The following SNCB variants were observed in gnomAD, a reference collection of about 807,000 sequenced individuals.
The protein encoded by SNCB is beta-synuclein.
Under a neutral mutation model 20.0 loss-of-function variants are expected in SNCB, and 8 were observed. That is an observed-to-expected ratio of 0.40 (90% confidence interval 0.24 to 0.72). The LOEUF is 0.72. Among genes scored for constraint, SNCB ranks in the 30% least tolerant of loss-of-function variants. The pLI is 0.37. For synonymous variants in SNCB, 56 were observed against 65.4 expected (o/e 0.86, Z 0.69); for missense variants, 125 against 168.0 (o/e 0.74, Z 1.41).
intron 2 of SNCB, among the ~76,000 whole-genome samples, chr5:176,627,132 A>C (rs532334253): frequency 9.1e-4 from 138 of 152,308 alleles, no homozygotes; most frequent in South Asian, 2.3e-3. Flanking sequence ...GGGTTCCACC[A>C]CTAGGAAGTG....
Position 176,626,583 on chromosome 5 carries a change from TAGTATCCC to T in SNCB, c.164-75_164-68del. On this transcript the variant is annotated intron_variant, in intron 3 of 5. Transcript: ENST00000393693. This position sits in a 1 kb window ranked among gnomAD's most constrained non-coding sequence, Gnocchi z 4.2. ...GGGGAAACACCGATGCCCTGCCTTG[TAGTATCCC>T]AGGGCCTGCCCTCCCCACGGAGCAT... 1 of 1,499,902 alleles carries T rather than the reference TAGTATCCC, an allele frequency of 6.7e-7. No individual in the cohort carries two copies. The highest frequency in any genetic ancestry group is 9.3e-7 in the Non-Finnish European group (1 of 1,076,056). 92.9% of individuals were successfully genotyped at this position (1,499,902 alleles called of 1,614,324 possible). A position where few individuals can be genotyped will look rare whatever the true frequency, so the allele number is the denominator to read the frequency against.
At position 176,629,525 on chromosome 5, in the gene SNCB, C is replaced by T. The variant is rs754467589; in HGVS notation, c.121+9G>A. 1.2e-6 allele frequency: 2 copies of T among 1,612,846 alleles called. No homozygotes were observed. Among genetic ancestry groups the T allele is most frequent in the African/African-American group, 2.7e-5 (2 of 74,992 alleles). ...CCCTGCAGCCCCAGAAACCCCGCCCCTTACCCACCGACGTAGAGGACGCCC... is the reference window on the plus strand; with the variant it reads ...CCCTGCAGCCCCAGAAACCCCGCCCTTTACCCACCGACGTAGAGGACGCCC... On this transcript the variant is annotated intron_variant, in intron 2 of 5. Coordinates refer to ENST00000393693, the MANE Select transcript of SNCB (RefSeq NM_003085.5). This position sits in a 1 kb window ranked among gnomAD's most constrained non-coding sequence, Gnocchi z 4.1.
chr5:176,626,711 G>C lies in SNCB; in HGVS notation c.163+9C>G, dbSNP rs1381325581. 6.2e-7 allele frequency: 1 copy of C among 1,613,802 alleles called. No homozygotes were observed. ...GAGAGAAGGGCTGGTGCCAGGGCTG[G>C]GCTAGTACCTGAAGCCACACCTTGT... On this transcript the variant is annotated intron_variant, in intron 3 of 5. Coordinates refer to ENST00000393693, the MANE Select transcript of SNCB (RefSeq NM_003085.5). The surrounding 1 kb of genome is among the most constrained non-coding windows in gnomAD (Gnocchi z 4.2).
Position 176,620,696 on chromosome 5 carries a change from A to T in SNCB, c.*115T>A. On this transcript the variant is annotated 3_prime_UTR_variant, in exon 6 of 6. Transcript: ENST00000393693. This position sits in a 1 kb window ranked among gnomAD's most constrained non-coding sequence, Gnocchi z 4.5. Reference sequence around the variant, plus strand: ...ACAGGCTCCGAGGGGGTTGCCTCAGAGCGGAAGGAAGATCTCGTGATTGGG... The same window carrying T: ...ACAGGCTCCGAGGGGGTTGCCTCAGTGCGGAAGGAAGATCTCGTGATTGGG... 1 of 812,572 alleles carries T rather than the reference A, an allele frequency of 1.2e-6. No individual in the cohort carries two copies. Among genetic ancestry groups the T allele is most frequent in the South Asian group, 1.3e-5 (1 of 74,636 alleles). 50.3% of individuals were successfully genotyped at this position (812,572 alleles called of 1,614,324 possible). A position where few individuals can be genotyped will look rare whatever the true frequency, so the allele number is the denominator to read the frequency against.
intron 4 of SNCB, among the ~76,000 whole-genome samples, chr5:176,622,406 C>T (rs1276393501): frequency 6.6e-6 from 1 of 152,158 alleles, no homozygotes; most frequent in African/African-American, 2.4e-5. Context: ...AGGAGAATCG[C>T]TTGAACCCGG....
intron 4 of SNCB, among the ~76,000 whole-genome samples, chr5:176,624,156 G>T (rs904937077): frequency 1.3e-5 from 2 of 152,210 alleles, no homozygotes; most frequent in Non-Finnish European, 2.9e-5. Flanking sequence ...AAATGGTTCT[G>T]TGCAAACACC....
rs1760266348 is a variant in SNCB, at chr5:176,629,989, A to C, written c.-10+291T>G. On this transcript the variant is annotated intron_variant, in intron 1 of 5. Coordinates refer to ENST00000393693, the MANE Select transcript of SNCB (RefSeq NM_003085.5). The surrounding 1 kb of genome is among the most constrained non-coding windows in gnomAD (Gnocchi z 4.1). Reference sequence around the variant, plus strand: ...GCCTGTACACGCACGGCACAGTCACACGGTCATGCACACAAACATACACCA... The same window carrying C: ...GCCTGTACACGCACGGCACAGTCACCCGGTCATGCACACAAACATACACCA... 3.7e-6 allele frequency: 1 copy of C among 269,286 alleles called. No homozygotes were observed. Among genetic ancestry groups the C allele is most frequent in the African/African-American group, 2.2e-5 (1 of 45,080 alleles). 16.7% of individuals were successfully genotyped at this position (269,286 alleles called of 1,614,324 possible).
In SNCB at chr5:176,629,140, T is replaced by C. The variant is rs1188649210; in HGVS notation, c.121+394A>G. Reference sequence around the variant, plus strand: ...AGATCTCTGGGAAGCCCAGTTTCCCTTACCTGTAGAATGGGCCGAAGCATT... The same window carrying C: ...AGATCTCTGGGAAGCCCAGTTTCCCCTACCTGTAGAATGGGCCGAAGCATT... On this transcript the variant is annotated intron_variant, in intron 2 of 5. Transcript: ENST00000393693. The surrounding 1 kb of genome is among the most constrained non-coding windows in gnomAD (Gnocchi z 4.1). 2.0e-5 allele frequency among the ~76,000 whole-genome samples: 3 copies of C among 152,186 alleles called. No homozygotes were observed. Among genetic ancestry groups the C allele is most frequent in the African/African-American group, 7.2e-5 (3 of 41,438 alleles).
chr5:176,622,421 C>T (rs1254813827), intron 4 of SNCB, among the ~76,000 whole-genome samples: 13 of 152,070 alleles, frequency 8.5e-5, no homozygotes, highest in South Asian at 2.1e-4. Flanking sequence ...ACCCGGGAGG[C>T]GGAGTTTGCA....
At position 176,630,272 on chromosome 5, in the gene SNCB, C is replaced by A. The variant is rs1179383473; in HGVS notation, c.-10+8G>T. 1 of 152,498 alleles carries A rather than the reference C, an allele frequency of 6.6e-6. No individual in the cohort carries two copies. The highest frequency in any genetic ancestry group is 1.5e-5 in the Non-Finnish European group (1 of 68,226). The allele number at this position is 152,498 out of a possible 1,614,324, so 9.4% of individuals were successfully genotyped here. On this transcript the variant is annotated splice_region_variant and intron_variant, in intron 1 of 5. Coordinates refer to ENST00000393693, the MANE Select transcript of SNCB (RefSeq NM_003085.5). ...CCGTTCCCCATCCCCGGCGCGCGGC[C>A]GCCTCACCTGGATGCGGGGCCGGGG... is the stretch of plus-strand genomic sequence containing the variant.
intron 2 of SNCB, among the ~76,000 whole-genome samples, chr5:176,627,379 C>T (rs569298926): frequency 2.0e-5 from 3 of 152,370 alleles, no homozygotes; most frequent in South Asian, 4.1e-4. Flanking sequence ...AGGGTGCAAA[C>T]CCCTTCTTCT....
At position 176,621,178 on chromosome 5, in the gene SNCB, T is replaced by C. The variant is rs369503924; in HGVS notation, c.372+36A>G. ...TAGGGACGGCAGCAATCATCCTGGA[T>C]TCCCAAAGTCCCGCCCAGCCCTGCT... On this transcript the variant is annotated intron_variant, in intron 5 of 5. Coordinates refer to ENST00000393693, the MANE Select transcript of SNCB (RefSeq NM_003085.5). This position sits in a 1 kb window ranked among gnomAD's most constrained non-coding sequence, Gnocchi z 4.1. The C allele has an allele frequency of 3.1e-5, 47 of 1,525,618 alleles. No individual in the cohort carries two copies. The highest frequency in any genetic ancestry group is 4.1e-5 in the Non-Finnish European group (45 of 1,107,318). 94.5% of individuals were successfully genotyped at this position (1,525,618 alleles called of 1,614,324 possible).
Position 176,621,960 on chromosome 5 carries a change from T to C in SNCB, c.283-657A>G, listed in dbSNP as rs1759632779. 6.6e-6 allele frequency among the ~76,000 whole-genome samples: 1 copy of C among 152,230 alleles called. No individual in the cohort carries two copies. The highest frequency in any genetic ancestry group is 2.4e-5 in the African/African-American group (1 of 41,466). On this transcript the variant is annotated intron_variant, in intron 4 of 5. Coordinates refer to ENST00000393693, the MANE Select transcript of SNCB (RefSeq NM_003085.5). This position sits in a 1 kb window ranked among gnomAD's most constrained non-coding sequence, Gnocchi z 4.1. ...AGCCACCTGCAGGTGACCACATGTA[T>C]GTGAACAAACATGGGACTGAGCTGG...
intron 4 of SNCB, among the ~76,000 whole-genome samples, chr5:176,623,421 C>T (rs1486063764): frequency 2.0e-5 from 3 of 152,004 alleles, no homozygotes; most frequent in South Asian, 4.1e-4. Context: ...CCTTGGAGGG[C>T]GATAGGCAGG....
Position 176,629,608 on chromosome 5 carries a change from A to G in SNCB, c.47T>C (p.Val16Ala). 6.2e-7 allele frequency: 1 copy of G among 1,613,686 alleles called. No individual in the cohort carries two copies. Among genetic ancestry groups the G allele is most frequent in the East Asian group, 2.2e-5 (1 of 44,852 alleles). ...CTGCTTGGTTTTCTCCGCGGCTGCC[A>G]CAACGCCCTCCTTGGCCATGGACAG... ...KGLSMAKEGV[V>A]AAAEKTKQGV... The change falls in exon 2 of 6, where the codon GTG becomes GCG. Residue 16 changes from valine to alanine, a missense_variant. Val to Ala is a moderately conservative substitution (Grantham distance 64). Transcript: ENST00000393693. This position sits in a 1 kb window ranked among gnomAD's most constrained non-coding sequence, Gnocchi z 4.1.
intron 4 of SNCB, among the ~76,000 whole-genome samples, chr5:176,623,330 T>A (rs1279885985): frequency 6.6e-6 from 1 of 152,018 alleles, no homozygotes; most frequent in African/African-American, 2.4e-5. Flanking sequence ...AAGGTTTCAG[T>A]GAGCTGAGAT....
In SNCB at chr5:176,620,560, G is replaced by GGAGGCAACACTGGAGGGGC; in HGVS notation, c.*232_*250dup. ...ACATCCGCGCAGACGCTGGATGGGA[G>GGAGGCAACACTGGAGGGGC]GAGGCAACACTGGAGGGGCGAGGCT... is the stretch of plus-strand genomic sequence containing the variant. On this transcript the variant is annotated 3_prime_UTR_variant, in exon 6 of 6. Coordinates refer to ENST00000393693, the MANE Select transcript of SNCB (RefSeq NM_003085.5). This position sits in a 1 kb window ranked among gnomAD's most constrained non-coding sequence, Gnocchi z 4.5. The GGAGGCAACACTGGAGGGGC allele has an allele frequency of 1.7e-6, 1 of 591,280 alleles. No individual in the cohort carries two copies. Among genetic ancestry groups the GGAGGCAACACTGGAGGGGC allele is most frequent in the Non-Finnish European group, 3.0e-6 (1 of 331,404 alleles). The allele number at this position is 591,280 out of a possible 1,614,324, so 36.6% of individuals were successfully genotyped here.
chr5:176,626,600 C>A lies in SNCB; in HGVS notation c.164-84G>T. 6.7e-7 allele frequency: 1 copy of A among 1,502,542 alleles called. No homozygotes were observed. The highest frequency in any genetic ancestry group is 1.4e-5 in the African/African-American group (1 of 72,744). 93.1% of individuals were successfully genotyped at this position (1,502,542 alleles called of 1,614,324 possible). On this transcript the variant is annotated intron_variant, in intron 3 of 5. Transcript: ENST00000393693. The surrounding 1 kb of genome is among the most constrained non-coding windows in gnomAD (Gnocchi z 4.2). Reference sequence around the variant, plus strand: ...CTGCCTTGTAGTATCCCAGGGCCTGCCCTCCCCACGGAGCATTCCCGCAGA... The same window carrying A: ...CTGCCTTGTAGTATCCCAGGGCCTGACCTCCCCACGGAGCATTCCCGCAGA...
In SNCB at chr5:176,626,826, C is replaced by T; in HGVS notation, c.122-65G>A. On this transcript the variant is annotated intron_variant, in intron 2 of 5. Transcript: ENST00000393693. The surrounding 1 kb of genome is among the most constrained non-coding windows in gnomAD (Gnocchi z 4.2). ...TGAGGGAACAGAAACTCCAGCACAGCATGGTGATTACAGAGTGGGCATCCT... is the reference window on the plus strand; with the variant it reads ...TGAGGGAACAGAAACTCCAGCACAGTATGGTGATTACAGAGTGGGCATCCT... 1.9e-6 allele frequency: 3 copies of T among 1,565,598 alleles called. No individual in the cohort carries two copies. Among genetic ancestry groups the T allele is most frequent in the Non-Finnish European group, 2.6e-6 (3 of 1,135,930 alleles).
Sources: gnomAD v4.1 joint callset for allele counts (sites outside exome capture counted in the v4.1 genomes callset) on GRCh38, gnomAD v4.1.1 for gene constraint, Gnocchi (gnomAD v3.1) non-coding constraint, MANE v1.5 for transcripts, NCBI Gene and HGNC (gene_info 2026-07-23, HGNC 2026-07-21) for gene names.